FRMD6: variants seen among roughly 807,000 people sequenced by gnomAD.
FRMD6 encodes the protein FERM domain-containing protein 6.
A neutral mutation model predicts 73.2 loss-of-function variants in FRMD6; 37 were observed. The ratio of observed to expected loss-of-function variants is 0.51; its 90% CI spans 0.39 to 0.66. The LOEUF (loss-of-function observed/expected upper bound fraction) is 0.66. Ranked by LOEUF, FRMD6 falls within the 30% of genes least tolerant of loss-of-function variation. The pLI is 0.00. For synonymous variants in FRMD6, 273 were observed against 282.2 expected (o/e 0.97, Z 0.33); for missense variants, 714 against 780.5 (o/e 0.91, Z 1.02).
chr14:51,633,621 A>AAAAAAAAAAAAAAAAAAAAAAG (rs143710280), intron 2 of FRMD6, among the ~76,000 whole-genome samples: 2 of 99,368 alleles, frequency 2.0e-5, no homozygotes, highest in Non-Finnish European at 3.9e-5. Context: ...AAAAAAAAAA[A>AAAAAAAAAAAAAAAAAAAAAAG]GAAATAATTA....
chr14:51,602,167 A>G (rs761524787), intron 2 of FRMD6, among the ~76,000 whole-genome samples: 4 of 152,244 alleles, frequency 2.6e-5, no homozygotes. Context: ...GCTCCAAGAA[A>G]TAGAATTAAA....
chr14:51,539,987 G>T (rs1351153383), intron 1 of FRMD6, among the ~76,000 whole-genome samples: 1 of 152,196 alleles, frequency 6.6e-6, no homozygotes, highest in Admixed American at 6.6e-5. Context: ...CCAACAAAAG[G>T]CACACTTTGT....
chr14:51,715,606 G>T (rs960007232), intron 10 of FRMD6, 107 bp downstream of exon 10: 3 of 868,226 alleles, frequency 3.5e-6, no homozygotes, highest in African/African-American at 3.4e-5. Context: ...TTGGGACTGG[G>T]ACACTCCAGA....
At chr14:51,407,087 T>C in the FRMD6 span, among the ~76,000 whole-genome samples, 1 of 152,132 alleles carries the variant, frequency 6.6e-6, no homozygotes, top group Non-Finnish European at 1.5e-5. Flanking sequence ...AGTTTCCACA[T>C]TTCCTAGGAC....
chr14:51,477,737 C>CTTTTTTTTTTTTTTTTTTTTTTTTTTT, the FRMD6 span, among the ~76,000 whole-genome samples: 1 of 134,172 alleles, frequency 7.5e-6, no homozygotes, highest in African/African-American at 2.8e-5. Flanking sequence ...TTTTCTTTTT[C>CTTTTTTTTTTTTTTTTTTTTTTTTTTT]TTTTTTTTTT....
chr14:51,687,698 A>G (rs915410893), intron 1 of FRMD6, among the ~76,000 whole-genome samples: 35 of 152,266 alleles, frequency 2.3e-4, no homozygotes, highest in African/African-American at 8.2e-4. Flanking sequence ...TTGCAAACCT[A>G]TTTATCCCTG....
chr14:51,514,619 A>G lies in FRMD6; in HGVS notation c.-210+25199A>G, dbSNP rs190333520. On this transcript the variant is annotated intron_variant, in intron 1 of 14. Transcript: ENST00000356218. ...TCCCAGCACTTTAGGAGGCCAAGGCAGGCAGATCACTTGATGTCAGGAGTT... is the reference window on the plus strand; with the variant it reads ...TCCCAGCACTTTAGGAGGCCAAGGCGGGCAGATCACTTGATGTCAGGAGTT... Among the ~76,000 whole-genome samples, 442 of 152,320 alleles carry G rather than the reference A, an allele frequency of 2.9e-3. 4 individuals are homozygous for G. The highest frequency in any genetic ancestry group is 9.2e-3 in the African/African-American group (384 of 41,572).
In FRMD6 at chr14:51,701,171, T is replaced by G. The variant is rs1309797414; in HGVS notation, c.294+12T>G. 6.9e-7 allele frequency: 1 copy of G among 1,453,690 alleles called. No homozygotes were observed. The highest frequency in any genetic ancestry group is 9.4e-7 in the Non-Finnish European group (1 of 1,067,582). The allele number at this position is 1,453,690 out of a possible 1,614,324, so 90.0% of individuals were successfully genotyped here. ...ACGAAGTCACTTGGGTGAGATTACATTTATAAGCAAAATTATTTTGATTTT... is the reference window on the plus strand; with the variant it reads ...ACGAAGTCACTTGGGTGAGATTACAGTTATAAGCAAAATTATTTTGATTTT... On this transcript the variant is annotated intron_variant, in intron 4 of 13. Transcript: ENST00000344768.
chr14:51,621,935 C>G (rs1890943749), intron 2 of FRMD6, among the ~76,000 whole-genome samples: 1 of 152,190 alleles, frequency 6.6e-6, no homozygotes, highest in Admixed American at 6.5e-5. Context: ...ATCATGCAAA[C>G]AAGGACTGTT....
chr14:51,606,044 A>C (rs1038704802), intron 2 of FRMD6, among the ~76,000 whole-genome samples: 1 of 152,308 alleles, frequency 6.6e-6, no homozygotes, highest in Non-Finnish European at 1.5e-5. Flanking sequence ...GGCTAGAGAA[A>C]GTGTGTTCTC....
At chr14:51,397,082 A>T in the FRMD6 span, 1 of 152,424 alleles carries the variant, frequency 6.6e-6, no homozygotes, top group African/African-American at 2.4e-5. Flanking sequence ...GAGTTTGGTC[A>T]GTGAGGAGCA....
At chr14:51,524,827 G>C (rs1885144723) in intron 1 of FRMD6, among the ~76,000 whole-genome samples, 1 of 152,178 alleles carries the variant, frequency 6.6e-6, no homozygotes, top group African/African-American at 2.4e-5. Flanking sequence ...TGATGCAAGA[G>C]TAGGTTGCAG....
the FRMD6 span, among the ~76,000 whole-genome samples, chr14:51,475,059 T>TAGA: frequency 6.6e-6 from 1 of 152,172 alleles, no homozygotes; most frequent in African/African-American, 2.4e-5. Flanking sequence ...TTCCAATGCA[T>TAGA]AGATGTACCT....
At chr14:51,534,326 T>A (rs1287371232) in intron 1 of FRMD6, among the ~76,000 whole-genome samples, 1 of 152,238 alleles carries the variant, frequency 6.6e-6, no homozygotes, top group Non-Finnish European at 1.5e-5. Context: ...CATGGTAATG[T>A]GTGATGTAGT....
At chr14:51,483,348 A>G in the FRMD6 span, among the ~76,000 whole-genome samples, 37 of 152,346 alleles carry the variant, frequency 2.4e-4, 1 homozygote, top group Admixed American at 2.0e-3. Flanking sequence ...TATACAAGAA[A>G]GCACCAGGTG....
chr14:51,692,928 G>A (rs1167149457), intron 2 of FRMD6: 1 of 152,118 alleles, frequency 6.6e-6, no homozygotes, highest in African/African-American at 2.4e-5. Flanking sequence ...AGCGAAACAG[G>A]CAAAGATCTA....
intron 12 of FRMD6, among the ~76,000 whole-genome samples, chr14:51,724,440 A>T (rs1405866158): frequency 6.6e-6 from 1 of 152,244 alleles, no homozygotes; most frequent in Non-Finnish European, 1.5e-5. Context: ...TAAAGGTTTA[A>T]TGCTCTTTAG....
At chr14:51,721,476 G>C (rs1897559646) in intron 11 of FRMD6, among the ~76,000 whole-genome samples, 1 of 152,122 alleles carries the variant, frequency 6.6e-6, no homozygotes, top group African/African-American at 2.4e-5. Flanking sequence ...TGGGCGTAGT[G>C]GCGCGCGTCT....
At chr14:51,525,351 C>G (rs1225954956) in intron 1 of FRMD6, among the ~76,000 whole-genome samples, 1 of 152,090 alleles carries the variant, frequency 6.6e-6, no homozygotes. Context: ...TCACTGCAAC[C>G]TCCCCCTCCC....
Sources: allele counts gnomAD v4.1 joint callset (sites outside exome capture counted in the v4.1 genomes callset), GRCh38; gene constraint gnomAD v4.1.1; transcripts MANE v1.5; gene names NCBI Gene and HGNC (gene_info 2026-07-23, HGNC 2026-07-21).